Variants in ESRRB observed in about 807,000 individuals in gnomAD.
ESRRB encodes the protein steroid hormone receptor ERR2.
In ESRRB, 16 loss-of-function variants were observed where a neutral mutation model predicts 46.0. The ratio of observed to expected loss-of-function variants is 0.35; its 90% CI spans 0.24 to 0.53. The LOEUF (loss-of-function observed/expected upper bound fraction) is 0.53. ESRRB is among the 20% of genes least tolerant of loss of function. ESRRB has a pLI of 0.93. For missense variants in ESRRB, 488 were observed against 607.4 expected, an observed-to-expected ratio of 0.80 and a Z score of 2.07; for synonymous variants, 246 against 259.6, an observed-to-expected ratio of 0.95 and a Z score of 0.50.
At chr14:76,422,156 C>A (rs946827760) in intron 1 of ESRRB, among the ~76,000 whole-genome samples, 13 of 151,802 alleles carry the variant, frequency 8.6e-5, no homozygotes, top group Non-Finnish European at 1.5e-4. Flanking sequence ...CTCTGCTTCT[C>A]CCTTACAGAA....
At chr14:76,490,775 G>A (rs1474551986) in intron 5 of ESRRB, among the ~76,000 whole-genome samples, 3 of 152,206 alleles carry the variant, frequency 2.0e-5, no homozygotes, top group Non-Finnish European at 2.9e-5. Flanking sequence ...CTGGGTCATC[G>A]TTAAGCAGAG....
chr14:76,327,965 C>T (rs1009783135), intron 1 of ESRRB, among the ~76,000 whole-genome samples: 7 of 152,020 alleles, frequency 4.6e-5, no homozygotes, highest in Non-Finnish European at 8.8e-5. Context: ...TCACCCACCT[C>T]GGCCTCCCAA....
At chr14:76,363,084 G>A (rs1884482942) in intron 1 of ESRRB, among the ~76,000 whole-genome samples, 1 of 152,168 alleles carries the variant, frequency 6.6e-6, no homozygotes, top group Non-Finnish European at 1.5e-5. Flanking sequence ...AGCAAGAAGT[G>A]CATCTCCTTG....
chr14:76,433,503 A>G (rs1887542193), intron 1 of ESRRB, among the ~76,000 whole-genome samples: 1 of 152,190 alleles, frequency 6.6e-6, no homozygotes, highest in Non-Finnish European at 1.5e-5. Flanking sequence ...GAAGCTGACA[A>G]TTAGTACTGA....
chr14:76,343,570 T>G (rs1393971357), intron 1 of ESRRB, among the ~76,000 whole-genome samples: 2 of 152,112 alleles, frequency 1.3e-5, no homozygotes, highest in Non-Finnish European at 2.9e-5. Context: ...GTGTAGCAGG[T>G]GGTGCTGGTT....
intron 1 of ESRRB, among the ~76,000 whole-genome samples, chr14:76,380,843 C>T (rs4640107): frequency 0.013 from 2,054 of 152,262 alleles, 49 homozygotes; most frequent in African/African-American, 0.047. Flanking sequence ...TAAGGAAGGA[C>T]CCCAGGAAGC....
chr14:76,410,734 C>G (rs144462551), intron 1 of ESRRB, among the ~76,000 whole-genome samples: 80 of 152,194 alleles, frequency 5.3e-4, no homozygotes, highest in African/African-American at 1.9e-3. Context: ...GCTATAAACA[C>G]AGCAAATATT....
intron 3 of ESRRB, among the ~76,000 whole-genome samples, chr14:76,472,115 C>A (rs556892143): frequency 4.7e-4 from 71 of 152,270 alleles, no homozygotes; most frequent in African/African-American, 1.6e-3. Context: ...CCTATTCGAA[C>A]CTCACGGTTG....
At chr14:76,337,882 G>C (rs575527633) in intron 1 of ESRRB, among the ~76,000 whole-genome samples, 25 of 152,174 alleles carry the variant, frequency 1.6e-4, no homozygotes, top group African/African-American at 5.8e-4. Flanking sequence ...CACAAGCTCC[G>C]GGGCTGCAGC....
At chr14:76,347,157 T>C (rs779922038) in intron 1 of ESRRB, among the ~76,000 whole-genome samples, 1 of 152,196 alleles carries the variant, frequency 6.6e-6, no homozygotes, top group Non-Finnish European at 1.5e-5. Context: ...GATGTCATCT[T>C]TCCTCATCCA....
chr14:76,497,428 T>G (rs1467162988), intron 6 of ESRRB, among the ~76,000 whole-genome samples: 1 of 152,142 alleles, frequency 6.6e-6, no homozygotes, highest in African/African-American at 2.4e-5. Context: ...TACAGCCGGC[T>G]TAGACCCAGC....
chr14:76,446,332 T>C (rs1266257058), intron 2 of ESRRB, among the ~76,000 whole-genome samples: 3 of 152,042 alleles, frequency 2.0e-5, no homozygotes, highest in African/African-American at 4.8e-5. Flanking sequence ...CCCTGCCCAA[T>C]TCTATGCTAT....
At chr14:76,325,406 TG>T (rs1231570712) in intron 1 of ESRRB, among the ~76,000 whole-genome samples, 1 of 152,072 alleles carries the variant, frequency 6.6e-6, no homozygotes. Flanking sequence ...TGGCTTTAAT[TG>T]GTTGTCGTCT....
chr14:76,491,687 C>T lies in ESRRB; in HGVS notation c.1091C>T (p.Thr364Met), dbSNP rs780845519. 1.1e-5 allele frequency: 18 copies of T among 1,584,962 alleles called. No individual in the cohort carries two copies. The highest frequency in any genetic ancestry group is 2.3e-5 in the South Asian group (2 of 86,300). The change falls in exon 6 of 7, where the codon ACG becomes ATG. Residue 364 changes from threonine to methionine, a missense_variant. Coordinates refer to ENST00000644823, the MANE Select transcript of ESRRB (RefSeq NM_001379180.1). ...AAGGTGGAGAAGGAGGAGTTTGTGA[C>T]GCTCAAGGCCCTGGCCCTCGCCAAC... ...KLKVEKEEFV[T>M]LKALALANSD... is the part of the protein sequence containing the mutation.
chr14:76,411,133 T>C (rs1886420895), intron 1 of ESRRB, among the ~76,000 whole-genome samples: 1 of 151,820 alleles, frequency 6.6e-6, no homozygotes. Flanking sequence ...TGTCCACTTA[T>C]ACCCAAGCAT....
intron 1 of ESRRB, among the ~76,000 whole-genome samples, chr14:76,318,460 A>T (rs1390099117): frequency 6.6e-6 from 1 of 152,204 alleles, no homozygotes; most frequent in Non-Finnish European, 1.5e-5. Flanking sequence ...GTTTTAGACT[A>T]AATGATTCCC....
chr14:76,349,308 C>G (rs1427028878), intron 1 of ESRRB, among the ~76,000 whole-genome samples: 3 of 152,096 alleles, frequency 2.0e-5, no homozygotes, highest in East Asian at 1.9e-4. Context: ...GCGGGGATCA[C>G]GAAAGGAGGC....
intron 1 of ESRRB, among the ~76,000 whole-genome samples, chr14:76,318,594 A>G (rs1212872958): frequency 6.6e-6 from 1 of 152,064 alleles, no homozygotes; most frequent in South Asian, 2.1e-4. Context: ...TCCACTTCAC[A>G]CTCAGTTTCC....
At chr14:76,416,509 G>A (rs977823630) in intron 1 of ESRRB, among the ~76,000 whole-genome samples, 2 of 150,768 alleles carry the variant, frequency 1.3e-5, no homozygotes, top group African/African-American at 2.4e-5. Flanking sequence ...CACTCTTGTC[G>A]CCCGGGCTAG....
Sources: gnomAD v4.1 joint callset for allele counts (sites outside exome capture counted in the v4.1 genomes callset) on GRCh38, gnomAD v4.1.1 for gene constraint, MANE v1.5 for transcripts, NCBI Gene and HGNC (gene_info 2026-07-23, HGNC 2026-07-21) for gene names.